Variants in MAG observed in about 807,000 individuals in gnomAD.
MAG encodes myelin associated glycoprotein.
A neutral mutation model predicts 60.7 loss-of-function variants in MAG; 30 were observed. The ratio of observed to expected loss-of-function variants is 0.49; its 90% CI spans 0.37 to 0.67. The LOEUF (loss-of-function observed/expected upper bound fraction) is 0.67, where lower values mean the gene tolerates loss of function less well. Among genes scored for constraint, MAG ranks in the 30% least tolerant of loss-of-function variants. MAG has a pLI of 0.00. For missense variants in MAG, 795 were observed against 851.7 expected (o/e 0.93, Z 0.83); for synonymous variants, 384 against 376.8 (o/e 1.02, Z -0.22).
chr19:35,312,278 T>G, intron 10 of MAG: 3 of 1,613,220 alleles, frequency 1.9e-6, no homozygotes, highest in Non-Finnish European at 2.5e-6. Context: ...CCTTCTCCAA[T>G]AGTCCAAAGA....
In MAG at chr19:35,300,187, C is replaced by G. The variant is rs149210442; in HGVS notation, c.753C>G (p.Ala251=). ...TGGAGATGAACTCCTCGGTGGAGGC[C>G]ATCGAGGGCTCCCACGTGAGCCTGC... ...VIVEMNSSVE[A]IEGSHVSLLC... is the part of the protein sequence containing the mutation. The change falls in exon 6 of 11, where the codon GCC becomes GCG. Residue 251 remains alanine, a synonymous_variant. Transcript: ENST00000392213. 122 of 1,565,206 alleles carry G rather than the reference C, an allele frequency of 7.8e-5. No homozygotes were observed. In the African/African-American group the frequency reaches 1.4e-3, roughly 19 times the overall value.
In MAG at chr19:35,310,614, C is replaced by T. The variant is rs1357120572; in HGVS notation, c.1587C>T (p.Ile529=). Reference sequence around the variant, plus strand: ...TCGCCTTTGCCATCCTGATTGCCATCGTCTGCTACATTACCCAGACACGCA... The same window carrying T: ...TCGCCTTTGCCATCCTGATTGCCATTGTCTGCTACATTACCCAGACACGCA... The part of the protein sequence containing the change: ...AVVAFAILIA[I]VCYITQTRRK... The change falls in exon 9 of 11, where the codon ATC becomes ATT. Residue 529 remains isoleucine, a synonymous_variant. Transcript: ENST00000392213. The T allele has an allele frequency of 4.3e-6, 7 of 1,613,990 alleles. No homozygotes were observed. The highest frequency in any genetic ancestry group is 2.7e-5 in the African/African-American group (2 of 74,922).
intron 7 of MAG, among the ~76,000 whole-genome samples, chr19:35,307,044 G>C (rs958731774): frequency 6.6e-6 from 1 of 152,256 alleles, no homozygotes; most frequent in Non-Finnish European, 1.5e-5. Context: ...GGGTGTCGGC[G>C]TTCCGCCGAC....
At chr19:35,309,707 G>C in intron 7 of MAG, 167 bp from the exon 8 acceptor site, 1 of 740,100 alleles carries the variant, frequency 1.4e-6, no homozygotes. Context: ...TGAGGTCAAG[G>C]CGCTCTCAGT....
Position 35,295,830 on chromosome 19 carries a change from C to T in MAG, c.264C>T (p.Arg88=). The change falls in exon 4 of 11, where the codon CGC becomes CGT. Residue 88 remains arginine, a synonymous_variant. Coordinates refer to ENST00000392213, the MANE Select transcript of MAG (RefSeq NM_002361.4). The surrounding 1 kb of genome is among the most constrained non-coding windows in gnomAD (Gnocchi z 5.8). ...TQVVHESFQG[R]SRLLGDLGLR... ...TAGTCCACGAGAGCTTCCAGGGCCG[C>T]AGCCGCCTCCTGGGGGACCTGGGCC... 6.2e-7 allele frequency: 1 copy of T among 1,614,006 alleles called. No individual in the cohort carries two copies. Among genetic ancestry groups the T allele is most frequent in the East Asian group, 2.2e-5 (1 of 44,890 alleles).
At chr19:35,311,072 C>G (rs1037055936) in intron 9 of MAG, among the ~76,000 whole-genome samples, 4 of 152,196 alleles carry the variant, frequency 2.6e-5, no homozygotes, top group African/African-American at 9.7e-5. Flanking sequence ...TTGACTCACG[C>G]CTGTTATCCC....
chr19:35,296,665 T>G (rs2066400222), intron 4 of MAG, among the ~76,000 whole-genome samples: 1 of 151,672 alleles, frequency 6.6e-6, no homozygotes, highest in African/African-American at 2.4e-5. Flanking sequence ...TGAGTGGCGC[T>G]GCTGCTTGGA....
chr19:35,300,338 G>A lies in MAG; in HGVS notation c.904G>A (p.Val302Ile), dbSNP rs1027874006. 4 of 1,598,634 alleles carry A rather than the reference G, an allele frequency of 2.5e-6. No individual in the cohort carries two copies. In the African/African-American group the frequency reaches 5.3e-5, roughly 21 times the overall value. Residue 302 changes from valine to isoleucine, a missense_variant, in exon 6 of 11, where the codon GTC becomes ATC. Val to Ile is a conservative substitution (Grantham distance 29). Transcript: ENST00000392213. ...GGAGGTGACCCCCGCCGAAGACGGC[G>A]TCTATGCCTGCCTGGCCGAGAATGC... ...LEEVTPAEDG[V>I]YACLAENAYG...
At chr19:35,310,208 C>T (rs201499844) in intron 8 of MAG, 47 bp downstream of exon 8, 31 of 1,562,118 alleles carry the variant, frequency 2.0e-5, no homozygotes, top group African/African-American at 2.7e-5. Context: ...GGAGCGGGCA[C>T]GTCTTAGATC....
chr19:35,308,257 C>T (rs1238659200), intron 7 of MAG, among the ~76,000 whole-genome samples: 3 of 152,190 alleles, frequency 2.0e-5, no homozygotes, highest in Non-Finnish European at 4.4e-5. Context: ...GGGCGTTCCA[C>T]AGGCAACTGA....
intron 7 of MAG, among the ~76,000 whole-genome samples, chr19:35,305,059 C>T (rs145550720): frequency 1.1e-3 from 171 of 152,274 alleles, no homozygotes; most frequent in African/African-American, 3.7e-3. Flanking sequence ...GGACTCAATC[C>T]GGCTTCTCTT....
At chr19:35,301,581 A>C (rs2066448799) in intron 6 of MAG, among the ~76,000 whole-genome samples, 1 of 151,950 alleles carries the variant, frequency 6.6e-6, no homozygotes, top group South Asian at 2.1e-4. Flanking sequence ...ATAGGCGCAC[A>C]CCACCACACC....
chr19:35,300,386 G>C lies in MAG; in HGVS notation c.952G>C (p.Val318Leu), dbSNP rs745476534. ...TGCCTATGGCCAGGACAACCGCACC[G>C]TGGGGCTCAGTGTCATGTGTGAGTG... Reference protein sequence around the residue: ...ENAYGQDNRTVGLSVMYAPWK... With the variant: ...ENAYGQDNRTLGLSVMYAPWK... Residue 318 changes from valine to leucine, a missense_variant, in exon 6 of 11, where the codon GTG (valine) becomes CTG (leucine). Val to Leu is a conservative substitution (Grantham distance 32). Coordinates refer to ENST00000392213, the MANE Select transcript of MAG (RefSeq NM_002361.4). 6.3e-7 allele frequency: 1 copy of C among 1,578,252 alleles called. No individual in the cohort carries two copies. Among genetic ancestry groups the C allele is most frequent in the Non-Finnish European group, 8.6e-7 (1 of 1,164,802 alleles).
rs747168732 is a variant in MAG, at chr19:35,309,923, G to A, written c.1281G>A (p.Thr427=). ...LESHCAAARD[T]VQCLCVVKSN... ...CCCACTGCGCGGCAGCCCGAGACAC[G>A]GTGCAGTGCCTGTGCGTGGTGAAGT... The change falls in exon 8 of 11, where the codon ACG becomes ACA. Residue 427 remains threonine (T), a synonymous_variant. Transcript: ENST00000392213. The A allele has an allele frequency of 1.1e-5, 17 of 1,613,694 alleles. No homozygotes were observed. Among genetic ancestry groups the A allele is most frequent in the African/African-American group, 6.7e-5 (5 of 74,938 alleles).
Position 35,293,902 on chromosome 19 carries a change from A to T in MAG, c.-79-333A>T, listed in dbSNP as rs942241030. On this transcript the variant is annotated intron_variant, in intron 1 of 10. Transcript: ENST00000392213. The surrounding 1 kb of genome is among the most constrained non-coding windows in gnomAD (Gnocchi z 4.0). ...AATGCTGATACTGTGAAACCCAGTC[A>T]TTGATGGCTCTGGGTCCCTGCCCGC... 2.0e-5 allele frequency among the ~76,000 whole-genome samples: 3 copies of T among 152,028 alleles called. No homozygotes were observed. The highest frequency in any genetic ancestry group is 4.4e-5 in the Non-Finnish European group (3 of 67,966).
At chr19:35,301,449 T>TC (rs1466528577) in intron 6 of MAG, among the ~76,000 whole-genome samples, 1 of 150,526 alleles carries the variant, frequency 6.6e-6, no homozygotes, top group African/African-American at 2.5e-5. Context: ...TTTTTTTTTT[T>TC]TGAGACAGAG....
intron 4 of MAG, 36 bp from the exon 5 acceptor site, chr19:35,299,518 T>C (rs2066429820): frequency 6.7e-7 from 1 of 1,490,336 alleles, no homozygotes; most frequent in Non-Finnish European, 9.2e-7. Context: ...AGCCCAGTGC[T>C]GCTTTCTCAG....
At chr19:35,300,060 G>C (rs1568472242) in intron 5 of MAG, 87 bp from the exon 6 acceptor site, 3 of 1,417,782 alleles carry the variant, frequency 2.1e-6, no homozygotes, top group Non-Finnish European at 2.8e-6. Context: ...GGGCCGGACA[G>C]TGTTGGGGGC....
chr19:35,302,689 C>G lies in MAG; in HGVS notation c.1212C>G (p.Ala404=). Residue 404 remains alanine, a synonymous_variant, in exon 7 of 11, where the codon GCC becomes GCG. Coordinates refer to ENST00000392213, the MANE Select transcript of MAG (RefSeq NM_002361.4). The part of the protein sequence containing the change: ...AENQYGQRAT[A]FNLSVEFAPV... The stretch of plus-strand genomic sequence containing the variant: ...ACCAGTATGGCCAGAGGGCCACCGC[C>G]TTCAACCTGTCTGTGGAGTGTGAGT... 1 of 1,613,846 alleles carries G rather than the reference C, an allele frequency of 6.2e-7. No individual in the cohort carries two copies. The highest frequency in any genetic ancestry group is 8.5e-7 in the Non-Finnish European group (1 of 1,180,038).
Sources: gnomAD v4.1 joint callset for allele counts (sites outside exome capture counted in the v4.1 genomes callset) on GRCh38, gnomAD v4.1.1 for gene constraint, Gnocchi (gnomAD v3.1) non-coding constraint, MANE v1.5 for transcripts, NCBI Gene and HGNC (gene_info 2026-07-23, HGNC 2026-07-21) for gene names.